Variants in NAV1 observed in about 807,000 individuals in gnomAD.
NAV1 encodes the protein pore membrane and/or filament interacting like protein 3.
A neutral mutation model predicts 175.2 loss-of-function variants in NAV1; 18 were observed. That is an observed-to-expected ratio of 0.10 (90% CI 0.07 to 0.15). The LOEUF (loss-of-function observed/expected upper bound fraction) is 0.15. Ranked by LOEUF, NAV1 falls within the 10% of genes least tolerant of loss-of-function variation. The pLI, the probability that NAV1 is intolerant of heterozygous loss-of-function variation, is 1.00. For synonymous variants in NAV1, 897 were observed against 978.7 expected, an observed-to-expected ratio of 0.92 and a Z score of 1.56; for missense variants, 1,731 against 2,436.6, an observed-to-expected ratio of 0.71 and a Z score of 6.10.
intron 3 of NAV1, among the ~76,000 whole-genome samples, chr1:201,734,540 C>G (rs1210749838): frequency 2.1e-5 from 1 of 46,774 alleles, no homozygotes; most frequent in Non-Finnish European, 5.5e-5. Context: ...AGATCATTTA[C>G]AGTACTTTCT....
intron 3 of NAV1, among the ~76,000 whole-genome samples, chr1:201,747,802 C>G (rs781169293): frequency 2.0e-5 from 3 of 152,180 alleles, no homozygotes; most frequent in Non-Finnish European, 2.9e-5. Flanking sequence ...GTTTTTCCCC[C>G]ATTTAAGCTT....
intron 1 of NAV1, among the ~76,000 whole-genome samples, chr1:201,692,220 C>G (rs1385872661): frequency 6.6e-6 from 1 of 152,170 alleles, no homozygotes; most frequent in Admixed American, 6.5e-5. Context: ...CAGGCAATTA[C>G]ATTACAACGT....
At chr1:201,797,024 G>T (rs1275903961) in intron 15 of NAV1, 1 of 151,950 alleles carries the variant, frequency 6.6e-6, no homozygotes, top group Admixed American at 6.6e-5. Flanking sequence ...TTTTCCTTTG[G>T]CTACTTGTGC....
At chr1:201,818,376 A>C (rs1182982810) in intron 29 of NAV1, among the ~76,000 whole-genome samples, 2 of 151,936 alleles carry the variant, frequency 1.3e-5, no homozygotes, top group Non-Finnish European at 2.9e-5. Flanking sequence ...AAAATACAAA[A>C]AATTAGCCAG....
At chr1:201,587,349 T>A (rs928141737) in intron 1 of NAV1, among the ~76,000 whole-genome samples, 2 of 152,098 alleles carry the variant, frequency 1.3e-5, no homozygotes, top group Non-Finnish European at 2.9e-5. Flanking sequence ...AGAAAACATA[T>A]TTGTAAATCA....
rs760342152 is a variant in NAV1, at chr1:201,782,882, G to A, written c.2357+13G>A. The stretch of plus-strand genomic sequence containing the variant: ...CAACCCCTCTCAGGTACCCAATGTG[G>A]GCAGCCGCCTCCTTGTCTGTTTGCT... On this transcript the variant is annotated intron_variant, in intron 6 of 29. Coordinates refer to ENST00000367296, the Ensembl canonical transcript of NAV1. This position sits in a 1 kb window ranked among gnomAD's most constrained non-coding sequence, Gnocchi z 5.4. The A allele has an allele frequency of 6.5e-7, 1 of 1,549,494 alleles. No homozygotes were observed. The highest frequency in any genetic ancestry group is 8.7e-7 in the Non-Finnish European group (1 of 1,149,264).
At chr1:201,760,579 G>A (rs1674777669) in intron 3 of NAV1, among the ~76,000 whole-genome samples, 1 of 152,108 alleles carries the variant, frequency 6.6e-6, no homozygotes, top group South Asian at 2.1e-4. Flanking sequence ...CTTTCTCCCT[G>A]GGGACCTCAA....
At chr1:201,797,439 G>T (rs146089164) in intron 15 of NAV1, 1 of 152,266 alleles carries the variant, frequency 6.6e-6, no homozygotes, top group African/African-American at 2.4e-5. Flanking sequence ...AGTAAGTTTG[G>T]AAATTGGGAA....
At chr1:201,773,925 G>A (rs979370067) in intron 3 of NAV1, among the ~76,000 whole-genome samples, 7 of 152,070 alleles carry the variant, frequency 4.6e-5, no homozygotes, top group African/African-American at 1.7e-4. Flanking sequence ...CTCTGTTCTG[G>A]GGGTAGATGA....
rs1005321734 is a variant in NAV1 at position 201,692,521 on chromosome 1, G to A, written c.758-20296G>A. ...AGGAGTTTGTAATGGTCTGGAAAAT[G>A]CAGGAAAATCTTTAGAGTGAGTTCC... On this transcript the variant is annotated intron_variant, in intron 1 of 29. Transcript: ENST00000367296. 4.6e-5 allele frequency among the ~76,000 whole-genome samples: 7 copies of A among 152,228 alleles called. No individual in the cohort carries two copies. In the South Asian group the frequency reaches 1.0e-3, roughly 22 times the overall value.
chr1:201,600,195 A>G (rs899193195), intron 2 of NAV1, among the ~76,000 whole-genome samples: 3 of 152,314 alleles, frequency 2.0e-5, no homozygotes, highest in Admixed American at 2.0e-4. Context: ...AAAAGCCCCA[A>G]AGGAGAGACT....
intron 1 of NAV1, among the ~76,000 whole-genome samples, chr1:201,676,172 G>A (rs1558057828): frequency 6.6e-6 from 1 of 152,090 alleles, no homozygotes; most frequent in African/African-American, 2.4e-5. Flanking sequence ...CCTTACTGAG[G>A]CACAGACCTC....
intron 7 of NAV1, among the ~76,000 whole-genome samples, 153 bp from the exon 12 acceptor site, chr1:201,785,157 T>C (rs964379721): frequency 3.3e-5 from 5 of 152,186 alleles, no homozygotes; most frequent in African/African-American, 1.2e-4. Flanking sequence ...GGCTATAGTA[T>C]CTCTTGGTTT....
At chr1:201,596,339 G>A (rs1667347430) in intron 2 of NAV1, among the ~76,000 whole-genome samples, 1 of 152,210 alleles carries the variant, frequency 6.6e-6, no homozygotes, top group Non-Finnish European at 1.5e-5. Context: ...TGATGACAGG[G>A]ACTCTCTTCC....
chr1:201,612,989 G>A (rs2102258163), intron 2 of NAV1, among the ~76,000 whole-genome samples: 1 of 152,230 alleles, frequency 6.6e-6, no homozygotes, highest in East Asian at 1.9e-4. Context: ...GGCCCTGGGA[G>A]GAACTAACCA....
intron 1 of NAV1, among the ~76,000 whole-genome samples, chr1:201,707,638 C>A (rs1671725492): frequency 6.6e-6 from 1 of 152,208 alleles, no homozygotes; most frequent in Non-Finnish European, 1.5e-5. Flanking sequence ...CCTGGGGAAG[C>A]CTGTTTCCCC....
intron 1 of NAV1, among the ~76,000 whole-genome samples, chr1:201,659,576 G>A (rs1413571859): frequency 6.6e-6 from 1 of 152,022 alleles, no homozygotes; most frequent in Non-Finnish European, 1.5e-5. Context: ...GCTATGATTG[G>A]GCCACTGCAC....
chr1:201,650,548 G>T (rs1669159149), intron 1 of NAV1, among the ~76,000 whole-genome samples: 1 of 152,334 alleles, frequency 6.6e-6, no homozygotes, highest in African/African-American at 2.4e-5. Flanking sequence ...GGGAAGGGGC[G>T]TGCCAATGCG....
At chr1:201,796,025 T>C (rs1182565210) in intron 15 of NAV1, 1 of 152,242 alleles carries the variant, frequency 6.6e-6, no homozygotes, top group Non-Finnish European at 1.5e-5. Flanking sequence ...GGCTGAATAA[T>C]ATTCCATTGT....
Sources: allele counts gnomAD v4.1 joint callset (sites outside exome capture counted in the v4.1 genomes callset), GRCh38; gene constraint gnomAD v4.1.1; non-coding constraint Gnocchi (gnomAD v3.1); transcripts MANE v1.5; gene names NCBI Gene and HGNC (gene_info 2026-07-23, HGNC 2026-07-21).